The following KCNQ5 variants were observed in gnomAD, a reference collection of about 807,000 sequenced individuals.
KCNQ5 encodes the protein potassium voltage-gated channel subfamily KQT member 5.
A neutral mutation model predicts 98.2 loss-of-function variants in KCNQ5; 30 were observed. The observed-to-expected ratio is 0.31, with a 90% CI of 0.23 to 0.41. KCNQ5 has a LOEUF of 0.41. Ranked by LOEUF, KCNQ5 falls within the 10% of genes least tolerant of loss-of-function variation. The probability of loss-of-function intolerance (pLI) is 1.00; values close to 1 mark genes in which losing one functional copy is unlikely to be tolerated. For synonymous variants in KCNQ5, 458 were observed against 449.4 expected (o/e 1.02, Z -0.24); for missense variants, 835 against 1,182.5 (o/e 0.71, Z 4.31).
intron 1 of KCNQ5, among the ~76,000 whole-genome samples, chr6:72,626,746 T>A (rs979934186): frequency 3.3e-5 from 5 of 152,218 alleles, no homozygotes; most frequent in South Asian, 2.1e-4. Context: ...GACTATCGAC[T>A]ATATGCTGTG....
chr6:72,811,035 T>C (rs1192475364), intron 1 of KCNQ5, among the ~76,000 whole-genome samples: 2 of 152,222 alleles, frequency 1.3e-5, no homozygotes, highest in African/African-American at 4.8e-5. Flanking sequence ...GGAAAATGTC[T>C]TCTTGCCTAA....
At chr6:72,762,976 A>T (rs1466437247) in intron 1 of KCNQ5, among the ~76,000 whole-genome samples, 1 of 152,040 alleles carries the variant, frequency 6.6e-6, no homozygotes, top group Non-Finnish European at 1.5e-5. Context: ...ACACATGCAC[A>T]CTGAAACCTA....
intron 1 of KCNQ5, among the ~76,000 whole-genome samples, chr6:72,793,329 T>C (rs1481559575): frequency 6.6e-6 from 1 of 152,090 alleles, no homozygotes; most frequent in Non-Finnish European, 1.5e-5. Context: ...CAAAAAAAAA[T>C]CACACCATTG....
chr6:73,159,646 G>A (rs751999453), intron 10 of KCNQ5, among the ~76,000 whole-genome samples: 1 of 152,138 alleles, frequency 6.6e-6, no homozygotes, highest in East Asian at 1.9e-4. Context: ...ATCGGTACAA[G>A]TTCATGCTTT....
At chr6:73,157,496 C>G (rs1360876321) in intron 10 of KCNQ5, 3 of 706,562 alleles carry the variant, frequency 4.2e-6, no homozygotes, top group African/African-American at 3.5e-5. Context: ...GAACCAACTC[C>G]CCGGTGACCA....
intron 1 of KCNQ5, among the ~76,000 whole-genome samples, chr6:72,683,327 T>C (rs1165497291): frequency 1.3e-5 from 2 of 150,666 alleles, no homozygotes. Flanking sequence ...TGGTCTTTGG[T>C]GGGAGCTTGA....
intron 4 of KCNQ5, 78 bp from the exon 5 acceptor site, chr6:73,077,684 T>C (rs1362950100): frequency 2.2e-6 from 3 of 1,381,398 alleles, no homozygotes; most frequent in Admixed American, 4.1e-5. Flanking sequence ...GTAAAGTGAA[T>C]AGAATCCTCA....
intron 1 of KCNQ5, among the ~76,000 whole-genome samples, chr6:72,801,952 G>A (rs1774683961): frequency 6.6e-6 from 1 of 152,218 alleles, no homozygotes; most frequent in South Asian, 2.1e-4. Flanking sequence ...TTGAATATTG[G>A]TCCCCACTCT....
At chr6:73,074,129 A>C (rs6453626) in intron 3 of KCNQ5, among the ~76,000 whole-genome samples, 20,774 of 152,148 alleles carry the variant, frequency 0.14, 2,703 homozygotes, top group African/African-American at 0.35. Flanking sequence ...TATTTCAGGC[A>C]CTGTTCTAGG....
At chr6:73,154,785 G>A (rs1777291136) in intron 10 of KCNQ5, among the ~76,000 whole-genome samples, 1 of 152,142 alleles carries the variant, frequency 6.6e-6, no homozygotes, top group Non-Finnish European at 1.5e-5. Context: ...GCTAATAGGG[G>A]AAGATTCTAT....
intron 1 of KCNQ5, among the ~76,000 whole-genome samples, chr6:72,656,534 C>A (rs1766202661): frequency 6.6e-6 from 1 of 152,182 alleles, no homozygotes; most frequent in Non-Finnish European, 1.5e-5. Flanking sequence ...TCTATTATAT[C>A]TTTGCAATAT....
chr6:73,006,313 A>C (rs1248115252), intron 2 of KCNQ5, among the ~76,000 whole-genome samples: 1 of 151,990 alleles, frequency 6.6e-6, no homozygotes, highest in Non-Finnish European at 1.5e-5. Context: ...CATCCAAAGG[A>C]AGAAGAAGGA....
At position 73,133,692 on chromosome 6, in the gene KCNQ5, T is replaced by C. The variant is rs776005761; in HGVS notation, c.1468+51T>C. 9 of 1,468,614 alleles carry C rather than the reference T, an allele frequency of 6.1e-6. No homozygotes were observed. In the Admixed American group the frequency reaches 1.6e-4, roughly 25 times the overall value. The allele number at this position is 1,468,614 out of a possible 1,614,324, so 91.0% of individuals were successfully genotyped here. On this transcript the variant is annotated intron_variant, in intron 10 of 13. Coordinates refer to ENST00000370398, the MANE Select transcript of KCNQ5 (RefSeq NM_019842.4). ...TTTTAATTGGATAGGCTATAGTGAG[T>C]GAGATTATGAAGTAATTAATTCTCC...
chr6:72,791,832 A>G (rs1774066805), intron 1 of KCNQ5, among the ~76,000 whole-genome samples: 1 of 152,152 alleles, frequency 6.6e-6, no homozygotes, highest in Non-Finnish European at 1.5e-5. Flanking sequence ...AAGGGGCCAA[A>G]CTCATCCTTC....
At chr6:73,134,756 C>A (rs1354331368) in intron 10 of KCNQ5, 1 of 152,400 alleles carries the variant, frequency 6.6e-6, no homozygotes, top group Non-Finnish European at 1.5e-5. Flanking sequence ...CCCATATGGG[C>A]GCAAGACGGC....
chr6:73,062,493 C>T (rs549380269), intron 3 of KCNQ5, among the ~76,000 whole-genome samples: 1 of 152,212 alleles, frequency 6.6e-6, no homozygotes, highest in South Asian at 2.1e-4. Flanking sequence ...TAAACAGTCA[C>T]ATGAGAAGCG....
At chr6:73,194,065 C>G (rs1376262680) in intron 13 of KCNQ5, among the ~76,000 whole-genome samples, 1 of 152,090 alleles carries the variant, frequency 6.6e-6, no homozygotes, top group African/African-American at 2.4e-5. Flanking sequence ...GTCTCAAACT[C>G]CTGGGCTCAA....
At chr6:73,112,335 T>C (rs1775275527) in intron 7 of KCNQ5, among the ~76,000 whole-genome samples, 1 of 151,856 alleles carries the variant, frequency 6.6e-6, no homozygotes, top group African/African-American at 2.4e-5. Flanking sequence ...TTTTGTTTTA[T>C]TTTTTGTTTG....
At chr6:72,975,203 T>A (rs774686512) in intron 1 of KCNQ5, among the ~76,000 whole-genome samples, 1 of 152,104 alleles carries the variant, frequency 6.6e-6, no homozygotes, top group Non-Finnish European at 1.5e-5. Context: ...CTTATCCTCC[T>A]AATGTGTTTC....
Sources: gnomAD v4.1 joint callset for allele counts (sites outside exome capture counted in the v4.1 genomes callset) on GRCh38, gnomAD v4.1.1 for gene constraint, MANE v1.5 for transcripts, NCBI Gene and HGNC (gene_info 2026-07-23, HGNC 2026-07-21) for gene names.